The following ACRV1 variants were observed in gnomAD, a reference collection of about 807,000 sequenced individuals.
The protein encoded by ACRV1 is acrosomal vesicle protein 1, also known as acrosomal protein SP-10.
Under a neutral mutation model 29.2 loss-of-function variants are expected in ACRV1, and 17 were observed. The observed-to-expected ratio is 0.58, with a 90% CI of 0.40 to 0.87. ACRV1 has a LOEUF of 0.87. Ranked by LOEUF, ACRV1 falls within the 40% of genes least tolerant of loss-of-function variation. The pLI is 0.00. For missense variants in ACRV1, 294 were observed against 316.0 expected, an observed-to-expected ratio of 0.93 and a Z score of 0.53; for synonymous variants, 98 against 111.6, an observed-to-expected ratio of 0.88 and a Z score of 0.77.
rs779466111 is a variant in ACRV1, at chr11:125,672,612, GA to G, written c.778del (p.Ser260LeufsTer15). The part of the protein sequence containing the change: ...RMQIICCRNQ[S>X]FCNKI ...AGGCTTCTAGATCTTATTGCAGAAA[GA>G]TTGATTTCGACAGCATATAATTTGC... is the stretch of plus-strand genomic sequence containing the variant. On this transcript the variant is annotated frameshift_variant, in exon 4 of 4. Coordinates refer to ENST00000533904, the MANE Select transcript of ACRV1 (RefSeq NM_001612.6). LOFTEE classifies it high-confidence loss of function. The G allele has an allele frequency of 6.2e-7, 1 of 1,614,082 alleles. No individual in the cohort carries two copies. Among genetic ancestry groups the G allele is most frequent in the South Asian group, 1.1e-5 (1 of 91,070 alleles).
At chr11:125,679,743 C>CT (rs1453072709) in intron 1 of ACRV1, among the ~76,000 whole-genome samples, 3 of 152,134 alleles carry the variant, frequency 2.0e-5, no homozygotes, top group African/African-American at 4.8e-5. Context: ...ACTCAAAACT[C>CT]TAAGAATCTT....
chr11:125,674,263 GA>G (rs1942372504), intron 3 of ACRV1, among the ~76,000 whole-genome samples: 2 of 152,188 alleles, frequency 1.3e-5, no homozygotes, highest in Admixed American at 1.3e-4. Flanking sequence ...ACATGCAATG[GA>G]AAAACCATGT....
Position 125,676,455 on chromosome 11 carries a change from ATGTGTAGCAATTTAATAT to A in ACRV1, c.559_576del (p.Ile187_Thr192del). ...TTTCCTTGATCATTCATATAAGCAC[ATGTGTAGCAATTTAATAT>A]TGTGCCTGAAAATTTAAGATAAGCC... On this transcript the variant is annotated inframe_deletion, in exon 3 of 4. Coordinates refer to ENST00000533904, the MANE Select transcript of ACRV1 (RefSeq NM_001612.6). The A allele has an allele frequency of 6.2e-7, 1 of 1,614,046 alleles. No individual in the cohort carries two copies. Among genetic ancestry groups the A allele is most frequent in the Non-Finnish European group, 8.5e-7 (1 of 1,179,906 alleles).
rs1555078666 is a variant in ACRV1 at position 125,678,978 on chromosome 11, T to TATATATATATA, written c.53-682_53-681insTATATATATAT. ...GTAAAAAAAAAAAAGTCTAGGCATA[T>TATATATATATA]TATATATATATATATATATAGACAC... On this transcript the variant is annotated intron_variant, in intron 1 of 3. Transcript: ENST00000533904. Among the ~76,000 whole-genome samples the TATATATATATA allele has an allele frequency of 2.3e-3, 204 of 88,430 alleles. 6 individuals are homozygous for TATATATATATA. The highest frequency in any genetic ancestry group is 6.2e-3 in the African/African-American group (142 of 23,066). The allele number at this position is 88,430 out of a possible 152,430, so 58.0% of individuals were successfully genotyped here. A position where few individuals can be genotyped will look rare whatever the true frequency, so the allele number is the denominator to read the frequency against.
rs1942217009 is a variant in ACRV1, at chr11:125,672,036, A to G, written c.*557T>C. 1 of 152,426 alleles carries G rather than the reference A, an allele frequency of 6.6e-6. No individual in the cohort carries two copies. Among genetic ancestry groups the G allele is most frequent in the African/African-American group, 2.4e-5 (1 of 41,450 alleles). The allele number at this position is 152,426 out of a possible 1,614,324, so 9.4% of individuals were successfully genotyped here. ...CATTATGTTAGTAGTGGACTACTGAAGACTAGAAACTCTCAAGAGCCAAAG... is the reference window on the plus strand; with the variant it reads ...CATTATGTTAGTAGTGGACTACTGAGGACTAGAAACTCTCAAGAGCCAAAG... On this transcript the variant is annotated 3_prime_UTR_variant, in exon 4 of 4. Coordinates refer to ENST00000533904, the MANE Select transcript of ACRV1 (RefSeq NM_001612.6).
intron 3 of ACRV1, 175 bp downstream of exon 3, chr11:125,676,184 A>G: frequency 1.3e-6 from 1 of 755,758 alleles, no homozygotes; most frequent in East Asian, 2.8e-5. Context: ...CTGGGATTTT[A>G]GGTGTGAGCC....
chr11:125,677,463 G>A (rs1472729189), intron 2 of ACRV1, among the ~76,000 whole-genome samples: 1 of 152,198 alleles, frequency 6.6e-6, no homozygotes, highest in East Asian at 1.9e-4. Flanking sequence ...ATGAAGGTTA[G>A]TCTTCAGAAC....
At chr11:125,675,508 A>G (rs1178684119) in intron 3 of ACRV1, among the ~76,000 whole-genome samples, 1 of 152,210 alleles carries the variant, frequency 6.6e-6, no homozygotes, top group Non-Finnish European at 1.5e-5. Flanking sequence ...AGGAAGAAGA[A>G]AAACTACAAG....
rs71045115 is a variant in ACRV1, at chr11:125,679,216, C to CTTTTTTTTTTTTTTTTTTTTTTTT, written c.53-920_53-919insAAAAAAAAAAAAAAAAAAAAAAAA. On this transcript the variant is annotated intron_variant, in intron 1 of 3. Coordinates refer to ENST00000533904, the MANE Select transcript of ACRV1 (RefSeq NM_001612.6). Reference sequence around the variant, plus strand: ...TCTTCTACCTTTAATCCGTCTCTTTCTTTTTTTTTTTTTGTTTCAAAGATA... The same window carrying CTTTTTTTTTTTTTTTTTTTTTTTT: ...TCTTCTACCTTTAATCCGTCTCTTTCTTTTTTTTTTTTTTTTTTTTTTTTTTTTTTTTTTTTTGTTTCAAAGATA... 5.8e-4 allele frequency among the ~76,000 whole-genome samples: 70 copies of CTTTTTTTTTTTTTTTTTTTTTTTT among 121,020 alleles called. 3 individuals carry two copies. The highest frequency in any genetic ancestry group is 2.0e-3 in the African/African-American group (63 of 31,612). The allele number at this position is 121,020 out of a possible 152,430, so 79.4% of individuals were successfully genotyped here. A position where few individuals can be genotyped will look rare whatever the true frequency, so the allele number is the denominator to read the frequency against.
chr11:125,678,139 T>C lies in ACRV1; in HGVS notation c.211A>G (p.Ser71Gly), dbSNP rs1269967881. 2 of 1,614,194 alleles carry C rather than the reference T, an allele frequency of 1.2e-6. No individual in the cohort carries two copies. Among genetic ancestry groups the C allele is most frequent in the Non-Finnish European group, 1.7e-6 (2 of 1,180,034 alleles). ...GLNTLSEHGS[S>G]EHGSSKHTVA... Reference sequence around the variant, plus strand: ...GTGTGCTTGCTTGAACCATGCTCACTGGAACCATGCTCACTTAAAGTGTTC... The same window carrying C: ...GTGTGCTTGCTTGAACCATGCTCACCGGAACCATGCTCACTTAAAGTGTTC... The change falls in exon 2 of 4, where the codon AGT (serine) becomes GGT (glycine). Residue 71 changes from serine to glycine, a missense_variant. Physicochemically the swap from Ser to Gly is moderately conservative, Grantham distance 56. Coordinates refer to ENST00000533904, the MANE Select transcript of ACRV1 (RefSeq NM_001612.6).
rs1942230070 is a variant in ACRV1, at chr11:125,672,393, G to A, written c.*200C>T. 3.5e-6 allele frequency: 2 copies of A among 573,578 alleles called. No individual in the cohort carries two copies. The allele number at this position is 573,578 out of a possible 1,614,324, so 35.5% of individuals were successfully genotyped here. A position where few individuals can be genotyped will look rare whatever the true frequency, so the allele number is the denominator to read the frequency against. ...TCAGGAATATTGAGAGAAAGAGTTG[G>A]AGCAGGGAAGACAGGACAGAGAAGA... On this transcript the variant is annotated 3_prime_UTR_variant, in exon 4 of 4. Coordinates refer to ENST00000533904, the MANE Select transcript of ACRV1 (RefSeq NM_001612.6).
intron 3 of ACRV1, among the ~76,000 whole-genome samples, chr11:125,673,028 T>C (rs1348221225): frequency 6.6e-6 from 1 of 152,074 alleles, no homozygotes; most frequent in East Asian, 1.9e-4. Context: ...CCTTACAGCC[T>C]TCCCAGAGTC....
At chr11:125,672,811 C>A in intron 3 of ACRV1, 94 bp from the exon 4 acceptor site, 1 of 1,460,856 alleles carries the variant, frequency 6.8e-7, no homozygotes, top group South Asian at 1.4e-5. Context: ...GCAGGATGGT[C>A]AAGACCTCCA....
intron 1 of ACRV1, among the ~76,000 whole-genome samples, chr11:125,680,019 T>C (rs1054850192): frequency 1.3e-5 from 2 of 152,370 alleles, no homozygotes; most frequent in East Asian, 3.9e-4. Flanking sequence ...ATGACTCGTG[T>C]CACCATGTGA....
At position 125,671,788 on chromosome 11, in the gene ACRV1, A is replaced by C. The variant is rs1371698071; in HGVS notation, c.*805T>G. 1 of 152,220 alleles carries C rather than the reference A, an allele frequency of 6.6e-6. No homozygotes were observed. The highest frequency in any genetic ancestry group is 1.5e-5 in the Non-Finnish European group (1 of 68,038). 9.4% of individuals were successfully genotyped at this position (152,220 alleles called of 1,614,324 possible). A position where few individuals can be genotyped will look rare whatever the true frequency, so the allele number is the denominator to read the frequency against. ...CTTATTTGCAAAAAAGGATGATGCCATCTTTCCTGTCTACCACTCTGGGAT... is the reference window on the plus strand; with the variant it reads ...CTTATTTGCAAAAAAGGATGATGCCCTCTTTCCTGTCTACCACTCTGGGAT... On this transcript the variant is annotated 3_prime_UTR_variant, in exon 4 of 4. Transcript: ENST00000533904.
Position 125,672,344 on chromosome 11 carries a change from A to G in ACRV1, c.*249T>C, listed in dbSNP as rs1942226402. On this transcript the variant is annotated 3_prime_UTR_variant, in exon 4 of 4. Coordinates refer to ENST00000533904, the MANE Select transcript of ACRV1 (RefSeq NM_001612.6). Reference sequence around the variant, plus strand: ...TGTCTTGAGCCTGTGTGCTTTAACCATGTGAAATTTATTGAAAAAAAAATC... The same window carrying G: ...TGTCTTGAGCCTGTGTGCTTTAACCGTGTGAAATTTATTGAAAAAAAAATC... 1 of 452,552 alleles carries G rather than the reference A, an allele frequency of 2.2e-6. No homozygotes were observed. Among genetic ancestry groups the G allele is most frequent in the Admixed American group, 3.7e-5 (1 of 26,768 alleles). The allele number at this position is 452,552 out of a possible 1,614,324, so 28.0% of individuals were successfully genotyped here.
At chr11:125,674,954 AC>A in intron 3 of ACRV1, among the ~76,000 whole-genome samples, 1 of 152,250 alleles carries the variant, frequency 6.6e-6, no homozygotes, top group South Asian at 2.1e-4. Flanking sequence ...TACATCCTGC[AC>A]TTTTCTGACT....
chr11:125,672,420 T>C lies in ACRV1; in HGVS notation c.*173A>G. The C allele has an allele frequency of 1.4e-6, 1 of 713,808 alleles. No individual in the cohort carries two copies. Among genetic ancestry groups the C allele is most frequent in the Non-Finnish European group, 2.3e-6 (1 of 441,740 alleles). The allele number at this position is 713,808 out of a possible 1,614,324, so 44.2% of individuals were successfully genotyped here. On this transcript the variant is annotated 3_prime_UTR_variant, in exon 4 of 4. Transcript: ENST00000533904. ...GCAGGGAAGACAGGACAGAGAAGAATGGATAAAAGCATGAATAGAAGAAGA... is the reference window on the plus strand; with the variant it reads ...GCAGGGAAGACAGGACAGAGAAGAACGGATAAAAGCATGAATAGAAGAAGA...
intron 3 of ACRV1, among the ~76,000 whole-genome samples, chr11:125,673,755 A>G (rs1942332372): frequency 6.6e-6 from 1 of 152,180 alleles, no homozygotes; most frequent in African/African-American, 2.4e-5. Flanking sequence ...CCACACCTTC[A>G]AAACCTCTGT....
Sources: gnomAD v4.1 joint callset for allele counts (sites outside exome capture counted in the v4.1 genomes callset) on GRCh38, gnomAD v4.1.1 for gene constraint, MANE v1.5 for transcripts, NCBI Gene and HGNC (gene_info 2026-07-23, HGNC 2026-07-21) for gene names.